The following TTC29 variants were observed in gnomAD, a reference collection of about 807,000 sequenced individuals.
The protein encoded by TTC29 is tetratricopeptide repeat domain 29.
In TTC29, 49 loss-of-function variants were observed where a neutral mutation model predicts 58.1. The ratio of observed to expected loss-of-function variants is 0.84; its 90% CI spans 0.67 to 1.07. TTC29 has a LOEUF of 1.07. TTC29 is among the 50% of genes least tolerant of loss of function. The pLI, the probability that TTC29 is intolerant of heterozygous loss-of-function variation, is 0.00. For synonymous variants in TTC29, 209 were observed against 196.8 expected, an observed-to-expected ratio of 1.06 and a Z score of -0.52; for missense variants, 582 against 555.6, an observed-to-expected ratio of 1.05 and a Z score of -0.48.
chr4:146,752,620 C>T (rs1320847993), intron 11 of TTC29, among the ~76,000 whole-genome samples: 3 of 151,822 alleles, frequency 2.0e-5, no homozygotes, highest in Non-Finnish European at 4.4e-5. Context: ...AAGAACAAAG[C>T]TGGAGGCATC....
At chr4:146,737,591 G>GC (rs1491299042) in intron 11 of TTC29, among the ~76,000 whole-genome samples, 1 of 8,834 alleles carries the variant, frequency 1.1e-4, no homozygotes, top group South Asian at 6.8e-3. Flanking sequence ...TAGTAGCCCT[G>GC]GGGGGGGGGG....
chr4:146,876,850 C>T (rs1405606918), intron 6 of TTC29, among the ~76,000 whole-genome samples: 11 of 149,534 alleles, frequency 7.4e-5, no homozygotes, highest in African/African-American at 2.7e-4. Context: ...GCAGGGGAAT[C>T]GCTTGAACCC....
rs1748769469 is a variant in TTC29, at chr4:146,783,423, T to C, written c.1330+20034A>G. 2.6e-5 allele frequency among the ~76,000 whole-genome samples: 4 copies of C among 151,898 alleles called. No individual in the cohort carries two copies. In the South Asian group the frequency reaches 8.3e-4, roughly 32 times the overall value. ...TCAGCCAATGAAAATACTTTTACTT[T>C]GGGGGTTAGGAGGAGGAAAATGGAG... is the stretch of plus-strand genomic sequence containing the variant. On this transcript the variant is annotated intron_variant, in intron 11 of 12. Coordinates refer to ENST00000325106, the MANE Select transcript of TTC29 (RefSeq NM_031956.4).
chr4:146,830,927 G>T (rs1728115118), intron 9 of TTC29, among the ~76,000 whole-genome samples: 1 of 152,110 alleles, frequency 6.6e-6, no homozygotes, highest in East Asian at 1.9e-4. Flanking sequence ...GCGCTATTCA[G>T]GATGCTGTTG....
intron 6 of TTC29, among the ~76,000 whole-genome samples, chr4:146,897,366 C>T (rs1375434099): frequency 6.6e-6 from 1 of 152,156 alleles, no homozygotes; most frequent in African/African-American, 2.4e-5. Context: ...GGCAATCAAT[C>T]GTGACCTATT....
chr4:146,753,750 T>C (rs1459892045), intron 11 of TTC29, among the ~76,000 whole-genome samples: 4 of 152,162 alleles, frequency 2.6e-5, no homozygotes, highest in African/African-American at 9.7e-5. Flanking sequence ...TCATGTCCTT[T>C]GTAGGGACAT....
At chr4:146,842,576 C>A (rs35289322) in intron 8 of TTC29, among the ~76,000 whole-genome samples, 39,051 of 151,882 alleles carry the variant, frequency 0.26, 5,114 homozygotes, top group East Asian at 0.31. Flanking sequence ...CCACCTAGAT[C>A]AAAAATTGTC....
chr4:146,917,018 A>AAT, intron 4 of TTC29, among the ~76,000 whole-genome samples: 1 of 151,302 alleles, frequency 6.6e-6, no homozygotes, highest in Middle Eastern at 3.4e-3. Context: ...ATCCAAATAA[A>AAT]ATATATATAT....
chr4:146,824,933 G>A (rs780570363), intron 9 of TTC29, among the ~76,000 whole-genome samples: 25 of 152,054 alleles, frequency 1.6e-4, no homozygotes, highest in Admixed American at 3.9e-4. Context: ...TATTTCTGTG[G>A]GGTCAGTGGT....
At position 146,931,265 on chromosome 4, in the gene TTC29, G is replaced by T. The variant is rs1735318040; in HGVS notation, c.176+6329C>A. Among the ~76,000 whole-genome samples the T allele has an allele frequency of 2.0e-5, 3 of 152,106 alleles. No individual in the cohort carries two copies. The South Asian group carries it at 6.2e-4, about 32-fold the overall frequency. ...TCTGCCTTTAGAACATGATGAAAAT[G>T]ATACTTAGTACGAAGCAAAAGATAT... is the stretch of plus-strand genomic sequence containing the variant. On this transcript the variant is annotated intron_variant, in intron 4 of 12. Coordinates refer to ENST00000325106, the MANE Select transcript of TTC29 (RefSeq NM_031956.4).
intron 11 of TTC29, among the ~76,000 whole-genome samples, chr4:146,800,313 T>A (rs1750124693): frequency 6.6e-6 from 1 of 152,202 alleles, no homozygotes; most frequent in South Asian, 2.1e-4. Flanking sequence ...GTCATGTTCC[T>A]CTGCTTAAAA....
At chr4:146,775,714 C>G (rs1393896838) in intron 11 of TTC29, among the ~76,000 whole-genome samples, 2 of 152,002 alleles carry the variant, frequency 1.3e-5, no homozygotes, top group Admixed American at 1.3e-4. Context: ...CTTGGAAAAT[C>G]TGATGTTTAT....
intron 8 of TTC29, among the ~76,000 whole-genome samples, chr4:146,848,103 G>T (rs1313725394): frequency 6.6e-6 from 1 of 152,126 alleles, no homozygotes; most frequent in Non-Finnish European, 1.5e-5. Flanking sequence ...TCTCAACACT[G>T]GAACTAACCT....
At chr4:146,760,403 C>T (rs1306102831) in intron 11 of TTC29, among the ~76,000 whole-genome samples, 1 of 151,848 alleles carries the variant, frequency 6.6e-6, no homozygotes, top group Non-Finnish European at 1.5e-5. Context: ...CATGAAAAGA[C>T]CACCATCATT....
intron 8 of TTC29, among the ~76,000 whole-genome samples, chr4:146,843,049 C>A (rs190247799): frequency 6.6e-6 from 1 of 152,214 alleles, no homozygotes; most frequent in Non-Finnish European, 1.5e-5. Flanking sequence ...GAATCAGTGG[C>A]TAATGATTTC....
intron 10 of TTC29, among the ~76,000 whole-genome samples, chr4:146,817,261 A>G (rs1561153991): frequency 1.3e-5 from 2 of 152,228 alleles, no homozygotes; most frequent in African/African-American, 4.8e-5. Flanking sequence ...AATGTGCAAA[A>G]ATCACAAGCA....
intron 6 of TTC29, among the ~76,000 whole-genome samples, chr4:146,896,407 T>C (rs1732772754): frequency 6.6e-6 from 1 of 152,166 alleles, no homozygotes; most frequent in South Asian, 2.1e-4. Context: ...GCTGAATACT[T>C]GTTTAATTTT....
intron 11 of TTC29, among the ~76,000 whole-genome samples, chr4:146,725,357 G>A (rs1021477312): frequency 6.6e-6 from 1 of 152,012 alleles, no homozygotes; most frequent in Non-Finnish European, 1.5e-5. Flanking sequence ...AACATAGTGA[G>A]ACTTTGTCTC....
At chr4:146,850,774 C>T (rs558234954) in intron 8 of TTC29, among the ~76,000 whole-genome samples, 223 of 152,188 alleles carry the variant, frequency 1.5e-3, no homozygotes, top group Non-Finnish European at 2.5e-3. Context: ...TTTAGTTACA[C>T]AATATTTTCA....
Sources: gnomAD v4.1 joint callset for allele counts (sites outside exome capture counted in the v4.1 genomes callset) on GRCh38, gnomAD v4.1.1 for gene constraint, MANE v1.5 for transcripts, NCBI Gene and HGNC (gene_info 2026-07-23, HGNC 2026-07-21) for gene names.